Variants in MACROD2 observed in about 807,000 individuals in gnomAD.
MACROD2 encodes mono-ADP ribosylhydrolase 2.
A neutral mutation model predicts 70.4 loss-of-function variants in MACROD2; 36 were observed. The observed-to-expected ratio is 0.51, with a 90% CI of 0.39 to 0.68. The LOEUF is 0.68. Among genes scored for constraint, MACROD2 ranks in the 30% least tolerant of loss-of-function variants. The pLI is 0.00. For synonymous variants in MACROD2, 172 were observed against 178.8 expected (o/e 0.96, Z 0.30); for missense variants, 496 against 538.4 (o/e 0.92, Z 0.78).
chr20:14,845,180 A>T (rs2073127165), intron 5 of MACROD2, among the ~76,000 whole-genome samples: 1 of 152,136 alleles, frequency 6.6e-6, no homozygotes, highest in Non-Finnish European at 1.5e-5. Flanking sequence ...TATGTAATTT[A>T]AAAAATTACA....
At chr20:14,272,463 C>G (rs1304695579) in intron 3 of MACROD2, among the ~76,000 whole-genome samples, 1 of 151,704 alleles carries the variant, frequency 6.6e-6, no homozygotes, top group African/African-American at 2.4e-5. Context: ...TTGTCACCAC[C>G]AGGCCTGCCC....
chr20:15,640,321 CGAGA>C (rs141502167), intron 8 of MACROD2, among the ~76,000 whole-genome samples: 1 of 150,876 alleles, frequency 6.6e-6, no homozygotes, highest in Non-Finnish European at 1.5e-5. Context: ...AAGTGGATAG[CGAGA>C]GAGAGAGAGA....
chr20:15,914,940 CAAA>C (rs376193048), intron 10 of MACROD2, among the ~76,000 whole-genome samples: 1 of 151,988 alleles, frequency 6.6e-6, no homozygotes, highest in Non-Finnish European at 1.5e-5. Context: ...CAGTTAATTA[CAAA>C]GGATGTTGGA....
intron 3 of MACROD2, among the ~76,000 whole-genome samples, chr20:14,242,237 G>A (rs2081935811): frequency 6.6e-6 from 1 of 151,988 alleles, no homozygotes; most frequent in African/African-American, 2.4e-5. Flanking sequence ...ACAATTTTTT[G>A]TTTTTATATT....
chr20:15,031,949 G>A (rs1355682554), intron 5 of MACROD2, among the ~76,000 whole-genome samples: 3 of 152,186 alleles, frequency 2.0e-5, no homozygotes, highest in Non-Finnish European at 4.4e-5. Context: ...TTCGTGCCCA[G>A]GCCCGCACCG....
intron 7 of MACROD2, among the ~76,000 whole-genome samples, chr20:15,439,446 G>A (rs959547575): frequency 5.3e-5 from 8 of 152,084 alleles, no homozygotes; most frequent in African/African-American, 1.9e-4. Context: ...CTGGAAACTC[G>A]GACCTCAGCA....
chr20:14,214,076 AG>A (rs2081593592), intron 3 of MACROD2, among the ~76,000 whole-genome samples: 1 of 152,184 alleles, frequency 6.6e-6, no homozygotes, highest in African/African-American at 2.4e-5. Context: ...TATTATTTAA[AG>A]TAGACCAAAG....
chr20:14,506,775 C>T (rs1188654354), intron 4 of MACROD2, among the ~76,000 whole-genome samples: 1 of 152,038 alleles, frequency 6.6e-6, no homozygotes, highest in South Asian at 2.1e-4. Context: ...ACAGTGAAAC[C>T]CTGCCTCCAC....
intron 7 of MACROD2, among the ~76,000 whole-genome samples, chr20:15,457,345 T>A (rs1391641081): frequency 1.3e-5 from 2 of 152,300 alleles, no homozygotes; most frequent in East Asian, 3.9e-4. Flanking sequence ...CTGTTCAAAT[T>A]GACCGTACCA....
chr20:14,545,917 A>G (rs758057622), intron 4 of MACROD2, among the ~76,000 whole-genome samples: 5 of 152,176 alleles, frequency 3.3e-5, no homozygotes, highest in African/African-American at 4.8e-5. Flanking sequence ...TATTTTAGCC[A>G]TGTTCTAGAC....
At chr20:15,835,556 A>G (rs1041981289) in intron 8 of MACROD2, among the ~76,000 whole-genome samples, 1 of 152,158 alleles carries the variant, frequency 6.6e-6, no homozygotes, top group Non-Finnish European at 1.5e-5. Flanking sequence ...TATCATTGGT[A>G]TGTTGTTAAA....
chr20:14,631,837 A>G (rs1311735322), intron 4 of MACROD2: 1 of 152,216 alleles, frequency 6.6e-6, no homozygotes, highest in African/African-American at 2.4e-5. Context: ...TTGTCTTTTG[A>G]CAGGATCTTT....
At position 14,877,189 on chromosome 20, in the gene MACROD2, C is replaced by T. The variant is rs117033755; in HGVS notation, c.418+192230C>T. On this transcript the variant is annotated intron_variant, in intron 5 of 17. Coordinates refer to ENST00000684519, the MANE Select transcript of MACROD2 (RefSeq NM_001351661.2). ...CTTTCACATTTTGGTTAGCTATTTT[C>T]CTAGGTATTTTATTTTTCAGGTGGC... Among the ~76,000 whole-genome samples the T allele has an allele frequency of 1.0e-2, 1,516 of 152,022 alleles. 16 individuals are homozygous for T. The highest frequency in any genetic ancestry group is 0.015 in the Non-Finnish European group (1,036 of 67,946).
At chr20:14,018,945 G>A (rs1478963839) in intron 2 of MACROD2, among the ~76,000 whole-genome samples, 1 of 152,184 alleles carries the variant, frequency 6.6e-6, no homozygotes, top group Non-Finnish European at 1.5e-5. Context: ...AGGTTTTATA[G>A]GCAGAGTGAC....
chr20:14,924,295 C>G (rs1568878215), intron 5 of MACROD2, among the ~76,000 whole-genome samples: 1 of 151,938 alleles, frequency 6.6e-6, no homozygotes, highest in Non-Finnish European at 1.5e-5. Context: ...AGAAATTAGC[C>G]TGGCGTGGTG....
intron 5 of MACROD2, among the ~76,000 whole-genome samples, chr20:14,938,099 G>T (rs1226381981): frequency 6.6e-6 from 1 of 150,884 alleles, no homozygotes; most frequent in African/African-American, 2.4e-5. Flanking sequence ...TTCATTGATG[G>T]ATACTTTGGT....
At chr20:15,406,252 A>G (rs2045999309) in intron 6 of MACROD2, among the ~76,000 whole-genome samples, 1 of 152,230 alleles carries the variant, frequency 6.6e-6, no homozygotes, top group Non-Finnish European at 1.5e-5. Context: ...TACCGTGCTC[A>G]GGGAAAGTGT....
chr20:14,880,000 C>A (rs1197873854), intron 5 of MACROD2, among the ~76,000 whole-genome samples: 1 of 152,108 alleles, frequency 6.6e-6, no homozygotes, highest in African/African-American at 2.4e-5. Context: ...TTTTTAGCCT[C>A]GTGAGAGCAG....
intron 3 of MACROD2, among the ~76,000 whole-genome samples, chr20:14,401,502 AT>A (rs1299180585): frequency 6.6e-6 from 1 of 152,204 alleles, no homozygotes; most frequent in African/African-American, 2.4e-5. Context: ...CAGATATTGT[AT>A]TTTTTTCCAT....
Sources: gnomAD v4.1 joint callset for allele counts (sites outside exome capture counted in the v4.1 genomes callset) on GRCh38, gnomAD v4.1.1 for gene constraint, MANE v1.5 for transcripts, NCBI Gene and HGNC (gene_info 2026-07-23, HGNC 2026-07-21) for gene names.